GPLD1: variants seen among roughly 807,000 people sequenced by gnomAD.
The protein encoded by GPLD1 is glycosylphosphatidylinositol specific phospholipase D1.
Under a neutral mutation model 112.6 loss-of-function variants are expected in GPLD1, and 84 were observed. The observed-to-expected ratio is 0.75, with a 90% CI of 0.63 to 0.89. The LOEUF is 0.89. Among genes scored for constraint, GPLD1 ranks in the 40% least tolerant of loss-of-function variants. The pLI is 0.00. For missense variants in GPLD1, 1,044 were observed against 1,051.5 expected, an observed-to-expected ratio of 0.99 and a Z score of 0.10; for synonymous variants, 386 against 403.8, an observed-to-expected ratio of 0.96 and a Z score of 0.53.
chr6:24,450,231 GC>G (rs1296934632), intron 14 of GPLD1, among the ~76,000 whole-genome samples: 1 of 152,174 alleles, frequency 6.6e-6, no homozygotes, highest in Non-Finnish European at 1.5e-5. Context: ...TCTAAAATAG[GC>G]CGGGCACGGT....
intron 5 of GPLD1, 33 bp from the exon 6 acceptor site, chr6:24,473,700 T>A (rs1763903833): frequency 6.7e-7 from 1 of 1,487,118 alleles, no homozygotes; most frequent in African/African-American, 1.4e-5. Context: ...TGGTGTGTAT[T>A]ACAAATTGTA....
chr6:24,449,911 C>A lies in GPLD1; in HGVS notation c.1336-12G>T. ...AACCGACCTGAGGGCTGAAGAGGCACAAGTTTACTTCCCCTGGGCTGAGCC... is the reference window on the plus strand; with the variant it reads ...AACCGACCTGAGGGCTGAAGAGGCAAAAGTTTACTTCCCCTGGGCTGAGCC... On this transcript the variant is annotated splice_polypyrimidine_tract_variant and intron_variant, in intron 14 of 24. Transcript: ENST00000230036. 1 of 1,588,170 alleles carries A rather than the reference C, an allele frequency of 6.3e-7. No individual in the cohort carries two copies. Among genetic ancestry groups the A allele is most frequent in the South Asian group, 1.1e-5 (1 of 90,332 alleles).
At chr6:24,461,133 C>T (rs1357655336) in intron 11 of GPLD1, among the ~76,000 whole-genome samples, 2 of 152,080 alleles carry the variant, frequency 1.3e-5, no homozygotes, top group African/African-American at 4.8e-5. Flanking sequence ...AGCCAAAAAG[C>T]AGATGACTCA....
chr6:24,459,062 T>C (rs1305838974), intron 12 of GPLD1, among the ~76,000 whole-genome samples: 1 of 152,118 alleles, frequency 6.6e-6, no homozygotes, highest in Non-Finnish European at 1.5e-5. Flanking sequence ...TCATATTCCT[T>C]GTCCTGTGCT....
upstream of GPLD1, among the ~76,000 whole-genome samples, chr6:24,491,443 A>C (rs1050578057): frequency 1.1e-4 from 17 of 152,226 alleles, no homozygotes; most frequent in African/African-American, 3.6e-4. Flanking sequence ...TCACGCCTAT[A>C]ATCCCAGCAC....
chr6:24,449,984 G>A (rs1284543330), intron 14 of GPLD1, 85 bp from the exon 15 acceptor site: 1 of 912,406 alleles, frequency 1.1e-6, no homozygotes, highest in Non-Finnish European at 1.7e-6. Flanking sequence ...AGAGAGGCCT[G>A]GGACAACCCC....
intron 24 of GPLD1, among the ~76,000 whole-genome samples, chr6:24,430,606 AC>A (rs1341385266): frequency 1.3e-5 from 2 of 152,170 alleles, no homozygotes; most frequent in Non-Finnish European, 1.5e-5. Flanking sequence ...AGCACTACTT[AC>A]TTAAGTAGAC....
chr6:24,474,206 C>CACACACACATAT lies in GPLD1; in HGVS notation c.442-540_442-539insATATGTGTGTGT, dbSNP rs1386205113. 5.2e-3 allele frequency among the ~76,000 whole-genome samples: 626 copies of CACACACACATAT among 120,802 alleles called. 4 individuals carry two copies. Among genetic ancestry groups the CACACACACATAT allele is most frequent in the African/African-American group, 0.014 (570 of 39,340 alleles). 79.3% of individuals were successfully genotyped at this position (120,802 alleles called of 152,430 possible). ...ACACACACACACACACACACACACACATATATATGCAGCTGAGTTGGATAC... is the reference window on the plus strand; with the variant it reads ...ACACACACACACACACACACACACACACACACACATATATATATATGCAGCTGAGTTGGATAC... On this transcript the variant is annotated intron_variant, in intron 5 of 24. Transcript: ENST00000230036.
chr6:24,489,327 A>G (rs1192033966), intron 1 of GPLD1, 88 bp downstream of exon 1: 19 of 991,216 alleles, frequency 1.9e-5, no homozygotes, highest in Non-Finnish European at 2.8e-5. Context: ...AACTGTATCA[A>G]TCCACGAGCG....
In GPLD1 at chr6:24,460,354, G is replaced by T; in HGVS notation, c.933C>A (p.Ser311=). The part of the protein sequence containing the change: ...KNDFHRNLTT[S]LTESVDRNIN... The stretch of plus-strand genomic sequence containing the variant: ...TATTCCTGTCAACACTTTCAGTTAG[G>T]GATGTAGTCAAATTTCTGTGAAAAT... The change falls in exon 12 of 25, where the codon TCC becomes TCA. Residue 311 remains serine, a synonymous_variant. Coordinates refer to ENST00000230036, the MANE Select transcript of GPLD1 (RefSeq NM_001503.4). 1.9e-6 allele frequency: 3 copies of T among 1,612,642 alleles called. No individual in the cohort carries two copies. Among genetic ancestry groups the T allele is most frequent in the Non-Finnish European group, 2.5e-6 (3 of 1,178,708 alleles).
intron 20 of GPLD1, among the ~76,000 whole-genome samples, chr6:24,441,170 G>T (rs938546845): frequency 1.3e-5 from 2 of 151,838 alleles, no homozygotes; most frequent in South Asian, 2.1e-4. Context: ...GCTGGGCATG[G>T]TGGTGCGTGC....
chr6:24,463,905 T>C (rs1254259013), intron 10 of GPLD1, among the ~76,000 whole-genome samples: 1 of 152,246 alleles, frequency 6.6e-6, no homozygotes, highest in Non-Finnish European at 1.5e-5. Flanking sequence ...AATCAACTCA[T>C]GGAATTTTAC....
chr6:24,437,423 C>A, intron 20 of GPLD1, 134 bp from the exon 21 acceptor site: 1 of 748,356 alleles, frequency 1.3e-6, no homozygotes, highest in Non-Finnish European at 2.2e-6. Context: ...TGGTCATCTC[C>A]GGCAGTCAGG....
chr6:24,436,774 C>A (rs756499144), intron 21 of GPLD1, 38 bp from the exon 22 acceptor site: 7 of 1,600,808 alleles, frequency 4.4e-6, no homozygotes, highest in Non-Finnish European at 5.1e-6. Flanking sequence ...AAGTATTTGA[C>A]TCCTCACTGT....
At chr6:24,483,053 C>G (rs571222487) in intron 2 of GPLD1, among the ~76,000 whole-genome samples, 1 of 152,116 alleles carries the variant, frequency 6.6e-6, no homozygotes, top group Admixed American at 6.6e-5. Flanking sequence ...AAAGGCTGCA[C>G]GCAGCAGCTT....
chr6:24,441,749 C>T (rs1762752379), intron 20 of GPLD1, among the ~76,000 whole-genome samples: 1 of 152,172 alleles, frequency 6.6e-6, no homozygotes, highest in East Asian at 1.9e-4. Flanking sequence ...AGGACCTATG[C>T]CTGTCTTCAT....
At chr6:24,474,659 G>A (rs1763947292) in intron 5 of GPLD1, among the ~76,000 whole-genome samples, 1 of 152,110 alleles carries the variant, frequency 6.6e-6, no homozygotes, top group African/African-American at 2.4e-5. Flanking sequence ...GGAATGAATT[G>A]GACCGGGCGC....
At chr6:24,480,178 CCAAACA>C (rs1283498257) in intron 2 of GPLD1, among the ~76,000 whole-genome samples, 1 of 152,194 alleles carries the variant, frequency 6.6e-6, no homozygotes, top group African/African-American at 2.4e-5. Flanking sequence ...TTCTTCCCTA[CCAAACA>C]CAGAGAGGCT....
rs1139459 is a variant in GPLD1 at position 24,486,091 on chromosome 6, C to G, written c.137G>C (p.Arg46Pro). Residue 46 changes from arginine (R) to proline (P), a missense_variant, in exon 2 of 25, where the codon CGT becomes CCT. Transcript: ENST00000230036. ...ALEFLQLHNG[R>P]VNYRELLLEH... The stretch of plus-strand genomic sequence containing the variant: ...GATTTCTACCTCTCTGTAGTTAACA[C>G]GCCCATTGTGAAGCTGAAGAAACTC... 1 of 1,593,490 alleles carries G rather than the reference C, an allele frequency of 6.3e-7. No homozygotes were observed. The highest frequency in any genetic ancestry group is 1.3e-5 in the African/African-American group (1 of 74,604).
Sources: gnomAD v4.1 joint callset for allele counts (sites outside exome capture counted in the v4.1 genomes callset) on GRCh38, gnomAD v4.1.1 for gene constraint, MANE v1.5 for transcripts, NCBI Gene and HGNC (gene_info 2026-07-23, HGNC 2026-07-21) for gene names.